The following HTR2C variants were observed in gnomAD, a reference collection of about 807,000 sequenced individuals.
HTR2C encodes 5-hydroxytryptamine receptor 2C, also known as 5-hydroxytryptamine (serotonin) receptor 2C, G protein-coupled.
In HTR2C, 5 loss-of-function variants were observed where a neutral mutation model predicts 21.0. That is an observed-to-expected ratio of 0.24 (90% confidence interval 0.12 to 0.50). The LOEUF is 0.50. HTR2C is among the 20% of genes least tolerant of loss of function. The pLI is 0.98. For synonymous variants in HTR2C, 150 were observed against 145.3 expected (o/e 1.03, Z -0.23); for missense variants, 271 against 371.2 (o/e 0.73, Z 2.22).
chrX:114,683,609 A>ACC (rs1239276371), intron 2 of HTR2C, among the ~76,000 whole-genome samples: 1 of 110,700 alleles, frequency 9.0e-6, no homozygotes, highest in Non-Finnish European at 1.9e-5. Flanking sequence ...ACATGGTGAA[A>ACC]CCCTGTCTCT....
chrX:114,675,874 TC>T lies in HTR2C; in HGVS notation c.-79-50983del, dbSNP rs1342701758. On this transcript the variant is annotated intron_variant, in intron 2 of 5. Coordinates refer to ENST00000276198, the MANE Select transcript of HTR2C (RefSeq NM_000868.4). ...GACTTTTCGTTTCTTTTTTCTTTTT[TC>T]TTTTTTTTTTTGAGACGAAATCTTG... Among the ~76,000 whole-genome samples, 156 of 97,873 alleles carry T rather than the reference TC, an allele frequency of 1.6e-3. 13 individuals carry two copies. Among genetic ancestry groups the T allele is most frequent in the Middle Eastern group, 5.0e-3 (1 of 202 alleles). The allele number at this position is 97,873 out of a possible 115,157, so 85.0% of individuals were successfully genotyped here.
At chrX:114,586,033 A>C (rs1335548911) in intron 1 of HTR2C, among the ~76,000 whole-genome samples, 5 of 111,479 alleles carry the variant, frequency 4.5e-5, no homozygotes, top group African/African-American at 1.3e-4. Flanking sequence ...CCAGAGTTTA[A>C]ATTTTTCATG....
intron 4 of HTR2C, among the ~76,000 whole-genome samples, chrX:114,800,658 A>G (rs181053455): frequency 1.5e-4 from 17 of 111,543 alleles, no homozygotes; most frequent in Non-Finnish European, 2.8e-4. Context: ...AGCTGGTAAT[A>G]AGCTGAAATA....
intron 5 of HTR2C, among the ~76,000 whole-genome samples, chrX:114,850,718 T>C (rs910698146): frequency 9.0e-6 from 1 of 110,681 alleles, no homozygotes; most frequent in Non-Finnish European, 1.9e-5. Flanking sequence ...AAGGAGTCAA[T>C]AAAAGATAGA....
chrX:114,776,564 T>G, intron 4 of HTR2C: 1 of 529,796 alleles, frequency 1.9e-6, no homozygotes, highest in Admixed American at 2.5e-5. Context: ...AATCAGATGT[T>G]TGGCATCAAA....
intron 2 of HTR2C, among the ~76,000 whole-genome samples, chrX:114,675,287 C>T (rs1181525928): frequency 1.8e-5 from 2 of 111,734 alleles, no homozygotes; most frequent in African/African-American, 6.5e-5. Flanking sequence ...TAAAACCCAA[C>T]ACAATCCAAC....
intron 2 of HTR2C, among the ~76,000 whole-genome samples, chrX:114,680,756 T>C (rs1255040464): frequency 8.9e-6 from 1 of 112,013 alleles, no homozygotes; most frequent in Non-Finnish European, 1.9e-5. Context: ...CAAGTGTCTT[T>C]AACTCAGAAT....
intron 2 of HTR2C, among the ~76,000 whole-genome samples, chrX:114,640,402 TA>T (rs1556406187): frequency 2.7e-5 from 3 of 111,852 alleles, no homozygotes; most frequent in African/African-American, 9.7e-5. Context: ...TAGAATAAAG[TA>T]CACGGCTGGG....
At chrX:114,704,255 A>G (rs1250731669) in intron 2 of HTR2C, among the ~76,000 whole-genome samples, 4 of 111,515 alleles carry the variant, frequency 3.6e-5, no homozygotes, top group Non-Finnish European at 5.6e-5. Context: ...AGACACAACC[A>G]AAAAAGAGAA....
At chrX:114,614,085 C>T (rs1386646564) in intron 2 of HTR2C, among the ~76,000 whole-genome samples, 1 of 108,718 alleles carries the variant, frequency 9.2e-6, no homozygotes, top group Non-Finnish European at 1.9e-5. Context: ...AAAAAAAACT[C>T]GGCTTATTTT....
chrX:114,895,599 TTTCCTC>T (rs1249413041), intron 5 of HTR2C, among the ~76,000 whole-genome samples: 8 of 111,913 alleles, frequency 7.1e-5, no homozygotes, highest in African/African-American at 2.6e-4. Context: ...TAGGATGTAA[TTTCCTC>T]TTCTTTTTTT....
At chrX:114,604,671 T>C (rs782005122) in intron 1 of HTR2C, among the ~76,000 whole-genome samples, 2 of 110,950 alleles carry the variant, frequency 1.8e-5, no homozygotes, top group East Asian at 2.9e-4. Context: ...AGTCCGATTT[T>C]CAGTGGGGTC....
At chrX:114,624,678 G>GA (rs1181233131) in intron 2 of HTR2C, among the ~76,000 whole-genome samples, 8 of 108,198 alleles carry the variant, frequency 7.4e-5, no homozygotes, top group Admixed American at 5.9e-4. Flanking sequence ...ATTCCAAAAG[G>GA]AAAAAAAAAT....
intron 4 of HTR2C, among the ~76,000 whole-genome samples, chrX:114,845,544 A>G (rs2070867158): frequency 9.0e-6 from 1 of 111,554 alleles, no homozygotes. Context: ...AAAGAATAGG[A>G]AAAATATAAG....
intron 4 of HTR2C, among the ~76,000 whole-genome samples, chrX:114,802,682 G>GATTCATTC (rs2070357631): frequency 1.3e-5 from 1 of 76,227 alleles, no homozygotes; most frequent in Non-Finnish European, 2.6e-5. Flanking sequence ...GCTATGCTTA[G>GATTCATTC]ATTCTTTCTT....
At chrX:114,790,032 C>T (rs2070216464) in intron 4 of HTR2C, among the ~76,000 whole-genome samples, 1 of 112,084 alleles carries the variant, frequency 8.9e-6, no homozygotes, top group African/African-American at 3.2e-5. Flanking sequence ...GTTTGCACTT[C>T]TAAGCGTTTA....
chrX:114,901,108 T>C (rs1251381800), intron 5 of HTR2C, among the ~76,000 whole-genome samples: 1 of 112,391 alleles, frequency 8.9e-6, no homozygotes, highest in Non-Finnish European at 1.9e-5. Context: ...TGGCCAACAA[T>C]GATTGTAAGA....
chrX:114,650,135 G>T (rs1431137015), intron 2 of HTR2C, among the ~76,000 whole-genome samples: 1 of 111,854 alleles, frequency 8.9e-6, no homozygotes, highest in Non-Finnish European at 1.9e-5. Context: ...TACATTTAAT[G>T]TCTAAGTCAT....
At chrX:114,768,563 T>C (rs2069968676) in intron 4 of HTR2C, among the ~76,000 whole-genome samples, 2 of 111,074 alleles carry the variant, frequency 1.8e-5, no homozygotes, top group Admixed American at 9.6e-5. Context: ...TCAGTTTAAA[T>C]ACAATGGAGT....
Sources: allele counts gnomAD v4.1 joint callset (sites outside exome capture counted in the v4.1 genomes callset), GRCh38; gene constraint gnomAD v4.1.1; transcripts MANE v1.5; gene names NCBI Gene and HGNC (gene_info 2026-07-23, HGNC 2026-07-21).